The following MMP28 variants were observed in gnomAD, a reference collection of about 807,000 sequenced individuals.
MMP28 encodes the protein matrix metalloproteinase-28.
In MMP28, 55 loss-of-function variants were observed where a neutral mutation model predicts 60.5. The ratio of observed to expected loss-of-function variants is 0.91; its 90% CI spans 0.73 to 1.14. The LOEUF is 1.14. Among genes scored for constraint, MMP28 ranks in the 50% most tolerant of loss-of-function variants. MMP28 has a pLI of 0.00. For missense variants in MMP28, 686 were observed against 738.3 expected, an observed-to-expected ratio of 0.93 and a Z score of 0.82; for synonymous variants, 318 against 312.5, an observed-to-expected ratio of 1.02 and a Z score of -0.18.
At chr17:35,791,123 A>C (rs1441387064) in intron 1 of MMP28, among the ~76,000 whole-genome samples, 1 of 151,598 alleles carries the variant, frequency 6.6e-6, no homozygotes, top group Non-Finnish European at 1.5e-5. Context: ...CATGTGTTTT[A>C]AAGTCCAACT....
chr17:35,769,167 T>C (rs2086041269), intron 5 of MMP28, among the ~76,000 whole-genome samples: 1 of 152,192 alleles, frequency 6.6e-6, no homozygotes, highest in South Asian at 2.1e-4. Context: ...CCTGAGCAAG[T>C]TACCTAACCT....
rs182950081 is a variant in MMP28, at chr17:35,772,824, T to C, written c.604+356A>G. Among the ~76,000 whole-genome samples, 947 of 152,196 alleles carry C rather than the reference T, an allele frequency of 6.2e-3. 6 individuals carry two copies. Among genetic ancestry groups the C allele is most frequent in the Non-Finnish European group, 0.01 (700 of 67,992 alleles). ...GAGCAGTGGTGGGCAGTGGATGTTT[T>C]TTAGGGCTCTGGAGTGAACATCCAC... On this transcript the variant is annotated intron_variant, in intron 4 of 7. Transcript: ENST00000605424.
At chr17:35,761,015 C>G (rs1269418058), downstream of MMP28, 23 of 1,542,706 alleles carry the variant, frequency 1.5e-5, no homozygotes, top group Non-Finnish European at 1.8e-5. Flanking sequence ...CTAGCTTGGA[C>G]AATCCAGCCC....
At position 35,770,307 on chromosome 17, in the gene MMP28, C is replaced by A; in HGVS notation, c.610G>T (p.Ala204Ser). Residue 204 changes from alanine (A) to serine (S), a missense_variant, in exon 5 of 8, where the codon GCC (alanine) becomes TCC (serine). Transcript: ENST00000605424. ...CGGGGCAGGAAGGCGTGCGCCAGGG[C>A]GCCCCCTGCAGGTGGGGCAGAAGGT... Reference protein sequence around the residue: ...LGNAFDGPGGALAHAFLPRRG... With the variant: ...LGNAFDGPGGSLAHAFLPRRG... 1 of 1,513,748 alleles carries A rather than the reference C, an allele frequency of 6.6e-7. No homozygotes were observed. Among genetic ancestry groups the A allele is most frequent in the Non-Finnish European group, 8.8e-7 (1 of 1,139,642 alleles). 93.8% of individuals were successfully genotyped at this position (1,513,748 alleles called of 1,614,324 possible). A position where few individuals can be genotyped will look rare whatever the true frequency, so the allele number is the denominator to read the frequency against.
chr17:35,760,792 T>C, intron 2 of MMP28: 1 of 870,852 alleles, frequency 1.1e-6, no homozygotes, highest in Non-Finnish European at 1.9e-6. Context: ...AAATTATTCC[T>C]GGGCAGAGCC....
At chr17:35,779,387 GCCC>G in intron 1 of MMP28, 64 bp from the exon 2 acceptor site, 19 of 1,368,906 alleles carry the variant, frequency 1.4e-5, no homozygotes, top group Non-Finnish European at 1.9e-5. Context: ...GTCCCCAAGG[GCCC>G]AGGGCACATA....
At chr17:35,785,363 C>T (rs2086616828) in intron 1 of MMP28, among the ~76,000 whole-genome samples, 1 of 152,122 alleles carries the variant, frequency 6.6e-6, no homozygotes, top group Non-Finnish European at 1.5e-5. Flanking sequence ...AGTTTTATTC[C>T]TGGTACTATG....
At chr17:35,785,449 G>A (rs769632720) in intron 1 of MMP28, among the ~76,000 whole-genome samples, 29 of 151,958 alleles carry the variant, frequency 1.9e-4, no homozygotes, top group Non-Finnish European at 4.0e-4. Flanking sequence ...TTAGGAGGTT[G>A]GATTATTATT....
At position 35,785,600 on chromosome 17, in the gene MMP28, A is replaced by G. The variant is rs542918801; in HGVS notation, c.112-6277T>C. ...GTAGCTGGGACTACAGGCGCCCACC[A>G]CCATGCCCGGCTAATTTTTTGCATT... On this transcript the variant is annotated intron_variant, in intron 1 of 7. Transcript: ENST00000605424. Among the ~76,000 whole-genome samples the G allele has an allele frequency of 1.3e-3, 202 of 151,972 alleles. 1 individual carries two copies. Among genetic ancestry groups the G allele is most frequent in the African/African-American group, 4.5e-3 (185 of 41,442 alleles).
chr17:35,795,408 G>C lies in MMP28; in HGVS notation c.-31C>G. On this transcript the variant is annotated 5_prime_UTR_variant, in exon 1 of 8. Transcript: ENST00000605424. ...CGCCTCCGGTGCAGCCCGGCTCGGG[G>C]AGCTACTGCGCGCAGGGAACCAGCC... is the stretch of plus-strand genomic sequence containing the variant. 7.3e-7 allele frequency: 1 copy of C among 1,373,074 alleles called. No homozygotes were observed. 85.1% of individuals were successfully genotyped at this position (1,373,074 alleles called of 1,614,324 possible).
chr17:35,782,045 TTC>T (rs929792470), intron 1 of MMP28, among the ~76,000 whole-genome samples: 3 of 147,696 alleles, frequency 2.0e-5, no homozygotes, highest in Admixed American at 1.3e-4. Flanking sequence ...CATGTTGTAT[TTC>T]TCTCTTTTTT....
rs1329137257 is a variant in MMP28 at position 35,795,272 on chromosome 17, CCT to C, written c.104_105del (p.Glu35GlyfsTer13). On this transcript the variant is annotated frameshift_variant, in exon 1 of 8. Transcript: ENST00000605424. LOFTEE classifies it high-confidence loss of function. ...GCCAGGTACACACGGCGTACCTCCG[CCT>C]CCTTGCGCAGCTCCTGGCCTCCGCG... ...AERGGQELRK[E>X]AEAFLEKYGY... The C allele has an allele frequency of 4.2e-6, 6 of 1,436,870 alleles. No homozygotes were observed. The South Asian group carries it at 8.7e-5, about 21-fold the overall frequency. The allele number at this position is 1,436,870 out of a possible 1,614,324, so 89.0% of individuals were successfully genotyped here. A position where few individuals can be genotyped will look rare whatever the true frequency, so the allele number is the denominator to read the frequency against.
intron 6 of MMP28, 28 bp downstream of exon 6, chr17:35,768,202 A>C: frequency 1.3e-6 from 2 of 1,572,928 alleles, no homozygotes; most frequent in Non-Finnish European, 1.7e-6. Context: ...GGAGAGAAAG[A>C]AGCAAAGCAC....
In MMP28 at chr17:35,779,235, C is replaced by T. The variant is rs1555608559; in HGVS notation, c.191+9G>A. On this transcript the variant is annotated intron_variant, in intron 2 of 7. Coordinates refer to ENST00000605424, the MANE Select transcript of MMP28 (RefSeq NM_024302.5). ...CCTACCCCAAGTCCTCCACATCCCT[C>T]CACCCTACCTGATGGCATCGCTGAA... The T allele has an allele frequency of 1.1e-5, 18 of 1,608,540 alleles. No individual in the cohort carries two copies. Among genetic ancestry groups the T allele is most frequent in the Non-Finnish European group, 1.5e-5 (18 of 1,177,638 alleles).
Position 35,770,099 on chromosome 17 carries a change from C to A in MMP28, c.818G>T (p.Trp273Leu). Reference protein sequence around the residue: ...KRLGRDALLSWDDVLAVQSLY... With the variant: ...KRLGRDALLSLDDVLAVQSLY... ...GCTCTGCACGGCCAGCACGTCGTCC[C>A]AGCTGAGCAGCGCGTCGCGGCCCAG... Residue 273 changes from tryptophan to leucine, a missense_variant, in exon 5 of 8, where the codon TGG becomes TTG. Coordinates refer to ENST00000605424, the MANE Select transcript of MMP28 (RefSeq NM_024302.5). The A allele has an allele frequency of 6.2e-7, 1 of 1,600,310 alleles. No homozygotes were observed. Among genetic ancestry groups the A allele is most frequent in the South Asian group, 1.1e-5 (1 of 89,126 alleles).
chr17:35,765,088 A>C (rs2085908217), downstream of MMP28: 1 of 152,482 alleles, frequency 6.6e-6, no homozygotes, highest in African/African-American at 2.4e-5. Flanking sequence ...CAGTGCTTTG[A>C]GGTGGCGCAG....
downstream of MMP28, chr17:35,764,173 C>T (rs1555602156): frequency 6.5e-7 from 1 of 1,548,402 alleles, no homozygotes; most frequent in Non-Finnish European, 8.7e-7. Flanking sequence ...CGGAGGAGGG[C>T]GAAGGCCGCG....
intron 3 of MMP28, among the ~76,000 whole-genome samples, chr17:35,778,148 G>A (rs1478465649): frequency 1.3e-5 from 2 of 152,204 alleles, no homozygotes; most frequent in African/African-American, 4.8e-5. Flanking sequence ...CTAAAAGAAG[G>A]AGGAGAAGAA....
intron 1 of MMP28, among the ~76,000 whole-genome samples, chr17:35,785,898 T>C (rs1341135056): frequency 6.6e-6 from 1 of 152,224 alleles, no homozygotes; most frequent in Non-Finnish European, 1.5e-5. Flanking sequence ...AATACTGTTT[T>C]ACCTTTCTCG....
Sources: allele counts gnomAD v4.1 joint callset (sites outside exome capture counted in the v4.1 genomes callset), GRCh38; gene constraint gnomAD v4.1.1; transcripts MANE v1.5; gene names NCBI Gene and HGNC (gene_info 2026-07-23, HGNC 2026-07-21).